Variants in NRG1 observed in about 807,000 individuals in gnomAD.
The protein encoded by NRG1 is pro-neuregulin-1, membrane-bound isoform.
In NRG1, 18 loss-of-function variants were observed where a neutral mutation model predicts 63.8. That is an observed-to-expected ratio of 0.28 (90% CI 0.19 to 0.42). The LOEUF (loss-of-function observed/expected upper bound fraction) is 0.42, where lower values mean the gene tolerates loss of function less well. NRG1 is among the 10% of genes least tolerant of loss of function. NRG1 has a pLI of 1.00. For missense variants in NRG1, 762 were observed against 814.7 expected (o/e 0.94, Z 0.79); for synonymous variants, 302 against 301.3 (o/e 1.00, Z -0.02).
intron 1 of NRG1, among the ~76,000 whole-genome samples, chr8:31,901,630 G>T (rs1213881577): frequency 6.6e-6 from 1 of 152,140 alleles, no homozygotes; most frequent in Non-Finnish European, 1.5e-5. Context: ...ATCATGAATT[G>T]TCTACATAAC....
intron 1 of NRG1, among the ~76,000 whole-genome samples, chr8:32,276,718 G>A (rs1417715686): frequency 6.6e-6 from 1 of 152,138 alleles, no homozygotes; most frequent in African/African-American, 2.4e-5. Flanking sequence ...TGATGAGGCT[G>A]CTTTGGATGC....
At chr8:32,471,547 A>G (rs1015472636) in intron 1 of NRG1, among the ~76,000 whole-genome samples, 2 of 152,216 alleles carry the variant, frequency 1.3e-5, no homozygotes, top group Non-Finnish European at 1.5e-5. Flanking sequence ...TTCAGATACA[A>G]CAGATGATAC....
chr8:32,452,321 T>G (rs1208540331), intron 1 of NRG1, among the ~76,000 whole-genome samples: 1 of 152,164 alleles, frequency 6.6e-6, no homozygotes, highest in Non-Finnish European at 1.5e-5. Context: ...AGGGAGTGTT[T>G]TGGACTGACT....
intron 1 of NRG1, among the ~76,000 whole-genome samples, chr8:32,203,756 T>C (rs965921057): frequency 5.9e-5 from 9 of 152,140 alleles, no homozygotes; most frequent in Admixed American, 1.3e-4. Flanking sequence ...GAGCTAAGGA[T>C]ATAGCAGGGA....
intron 1 of NRG1, among the ~76,000 whole-genome samples, chr8:32,108,172 C>T (rs1237447204): frequency 4.6e-5 from 7 of 152,156 alleles, no homozygotes; most frequent in Non-Finnish European, 1.0e-4. Context: ...CGAAACCTGT[C>T]AGTATGCTCT....
At chr8:32,550,876 G>T (rs746374326) in intron 1 of NRG1, among the ~76,000 whole-genome samples, 64 of 152,156 alleles carry the variant, frequency 4.2e-4, no homozygotes, top group Non-Finnish European at 1.2e-4. Context: ...TTAGTTTTTA[G>T]TATATTTGTC....
chr8:31,961,584 C>G (rs145755818), intron 1 of NRG1, among the ~76,000 whole-genome samples: 1 of 152,204 alleles, frequency 6.6e-6, no homozygotes, highest in East Asian at 1.9e-4. Context: ...AGGGTTGTAT[C>G]ACTTCTTTGA....
chr8:32,460,165 T>C (rs1368932647), intron 1 of NRG1, among the ~76,000 whole-genome samples: 1 of 152,218 alleles, frequency 6.6e-6, no homozygotes, highest in Non-Finnish European at 1.5e-5. Flanking sequence ...TGTTACTTAA[T>C]AAACATAAGA....
chr8:31,925,573 C>A (rs1449706898), intron 1 of NRG1, among the ~76,000 whole-genome samples: 2 of 152,022 alleles, frequency 1.3e-5, no homozygotes, highest in African/African-American at 4.8e-5. Flanking sequence ...CAATCTTTAT[C>A]TCTCCATAGC....
At chr8:32,506,693 C>G (rs1235983425) in intron 1 of NRG1, among the ~76,000 whole-genome samples, 1 of 151,962 alleles carries the variant, frequency 6.6e-6, no homozygotes, top group African/African-American at 2.4e-5. Flanking sequence ...CAACCAGGCT[C>G]TCTGCAGAAA....
intron 1 of NRG1, among the ~76,000 whole-genome samples, chr8:32,542,191 A>G (rs1033063639): frequency 1.2e-4 from 19 of 152,168 alleles, no homozygotes; most frequent in African/African-American, 4.3e-4. Context: ...AAAAAAAAGT[A>G]ATTATGCTTC....
Position 31,867,133 on chromosome 8 carries a change from G to A in NRG1, c.37+227702G>A, listed in dbSNP as rs117170389. On this transcript the variant is annotated intron_variant, in intron 1 of 10. Coordinates refer to the NRG1 transcript ENST00000519301. ...CATTGGAAACCAGTACAGAGAACAT[G>A]GTCACTTAATAAGAAAGATGTTTCC... Among the ~76,000 whole-genome samples the A allele has an allele frequency of 5.1e-3, 773 of 152,152 alleles. 2 individuals are homozygous for A. The highest frequency in any genetic ancestry group is 0.024 in the Middle Eastern group (7 of 294).
intron 1 of NRG1, among the ~76,000 whole-genome samples, chr8:32,114,810 T>C (rs1221039146): frequency 6.6e-6 from 1 of 152,002 alleles, no homozygotes; most frequent in Non-Finnish European, 1.5e-5. Context: ...ATGATGGTTT[T>C]ATAGCACAGT....
intron 6 of NRG1, among the ~76,000 whole-genome samples, chr8:32,736,766 G>A (rs1454648861): frequency 6.6e-6 from 1 of 151,894 alleles, no homozygotes; most frequent in Non-Finnish European, 1.5e-5. Flanking sequence ...ATGAAGCTGA[G>A]AAGAGAAAGG....
At chr8:32,664,624 AATGATGATGATG>A (rs60514534) in intron 5 of NRG1, among the ~76,000 whole-genome samples, 43 of 151,480 alleles carry the variant, frequency 2.8e-4, no homozygotes, top group Non-Finnish European at 5.6e-4. Context: ...ATGGTGTAGA[AATGATGATGATG>A]ATGATGATGA....
At position 32,763,291 on chromosome 8, in the gene NRG1, AC is replaced by A. The variant is rs761813259; in HGVS notation, c.1260-456del. On this transcript the variant is annotated intron_variant, in intron 11 of 11. Coordinates refer to ENST00000356819, the Ensembl canonical transcript of NRG1. Reference sequence around the variant, plus strand: ...ATGCATGCAGATCCAGCTATCAGCAACTCATCTTAGATCTTCTTCCATTCCC... The same window carrying A: ...ATGCATGCAGATCCAGCTATCAGCAATCATCTTAGATCTTCTTCCATTCCC... 7.4e-6 allele frequency: 12 copies of A among 1,614,010 alleles called. No individual in the cohort carries two copies. In the South Asian group the frequency reaches 1.2e-4, roughly 16 times the overall value.
At chr8:31,985,204 A>G (rs1405972244) in intron 1 of NRG1, among the ~76,000 whole-genome samples, 1 of 152,230 alleles carries the variant, frequency 6.6e-6, no homozygotes, top group African/African-American at 2.4e-5. Flanking sequence ...AAATAAGGAG[A>G]AAAAGGAGAG....
intron 1 of NRG1, among the ~76,000 whole-genome samples, chr8:32,552,605 T>C (rs1375473345): frequency 6.6e-6 from 1 of 152,174 alleles, no homozygotes; most frequent in African/African-American, 2.4e-5. Flanking sequence ...GCAGCCTGTG[T>C]TTACAGAACA....
chr8:32,100,543 C>CT (rs537359314), intron 1 of NRG1, among the ~76,000 whole-genome samples: 2,665 of 145,836 alleles, frequency 0.018, 32 homozygotes, highest in Middle Eastern at 0.042. Context: ...CAGCACAATA[C>CT]TTTTTTTTTT....
Sources: gnomAD v4.1 joint callset for allele counts (sites outside exome capture counted in the v4.1 genomes callset) on GRCh38, gnomAD v4.1.1 for gene constraint, MANE v1.5 for transcripts, NCBI Gene and HGNC (gene_info 2026-07-23, HGNC 2026-07-21) for gene names.